Variants in BANK1 observed in about 807,000 individuals in gnomAD.
The protein encoded by BANK1 is B-cell scaffold protein with ankyrin repeats.
A neutral mutation model predicts 94.5 loss-of-function variants in BANK1; 95 were observed. That is an observed-to-expected ratio of 1.00 (90% CI 0.85 to 1.19). The LOEUF (loss-of-function observed/expected upper bound fraction) is 1.19, where lower values mean the gene tolerates loss of function less well. Ranked by LOEUF, BANK1 falls within the 50% of genes most tolerant of loss-of-function variation. The pLI, the probability that BANK1 is intolerant of heterozygous loss-of-function variation, is 0.00. For synonymous variants in BANK1, 334 were observed against 308.4 expected (o/e 1.08, Z -0.87); for missense variants, 987 against 932.2 (o/e 1.06, Z -0.77).
At chr4:102,026,957 C>G (rs184467543) in intron 9 of BANK1, among the ~76,000 whole-genome samples, 15 of 152,162 alleles carry the variant, frequency 9.9e-5, no homozygotes, top group Admixed American at 9.8e-4. Flanking sequence ...TAATTGAAAG[C>G]TCTGAAGCCT....
At chr4:102,021,689 A>C (rs1320591080) in intron 8 of BANK1, 97 bp downstream of exon 8, 1 of 459,780 alleles carries the variant, frequency 2.2e-6, no homozygotes, top group Non-Finnish European at 3.6e-6. Context: ...AGCAAGACTG[A>C]AGAGAATGTG....
intron 7 of BANK1, among the ~76,000 whole-genome samples, chr4:101,984,728 C>T (rs971496639): frequency 1.3e-5 from 2 of 152,048 alleles, no homozygotes; most frequent in African/African-American, 4.8e-5. Flanking sequence ...ATGCCATCTT[C>T]ATTCTCAGAG....
chr4:101,819,807 C>A (rs1483188942), intron 1 of BANK1, among the ~76,000 whole-genome samples: 1 of 151,858 alleles, frequency 6.6e-6, no homozygotes, highest in Non-Finnish European at 1.5e-5. Flanking sequence ...AACATCAGAA[C>A]ACTCTAGAGT....
intron 1 of BANK1, among the ~76,000 whole-genome samples, chr4:101,829,107 C>T (rs139771915): frequency 0.013 from 2,005 of 152,168 alleles, 20 homozygotes; most frequent in Non-Finnish European, 0.022. Flanking sequence ...CGTGATCAGC[C>T]CGCCTCAGCC....
chr4:101,811,596 A>C (rs1037039480), intron 1 of BANK1, among the ~76,000 whole-genome samples: 1 of 150,620 alleles, frequency 6.6e-6, no homozygotes, highest in Non-Finnish European at 1.5e-5. Context: ...TGGTTTTGTA[A>C]TTCTCAATAT....
intron 1 of BANK1, among the ~76,000 whole-genome samples, chr4:101,825,973 TG>T (rs1372964743): frequency 2.0e-5 from 3 of 152,066 alleles, no homozygotes; most frequent in Non-Finnish European, 4.4e-5. Context: ...CTGCCAATTG[TG>T]ATACCAAGCC....
intron 4 of BANK1, among the ~76,000 whole-genome samples, chr4:101,865,116 T>G (rs1728020075): frequency 6.6e-6 from 1 of 152,096 alleles, no homozygotes; most frequent in South Asian, 2.1e-4. Context: ...TTAGTCTTCA[T>G]TAGTTCAAAG....
At chr4:102,022,112 G>GTA (rs574508690) in intron 8 of BANK1, among the ~76,000 whole-genome samples, 89 of 151,930 alleles carry the variant, frequency 5.9e-4, no homozygotes, top group Middle Eastern at 3.4e-3. Context: ...ATATAAACGT[G>GTA]TATATATACG....
chr4:101,819,339 A>G (rs949988105), intron 1 of BANK1, among the ~76,000 whole-genome samples: 1 of 152,092 alleles, frequency 6.6e-6, no homozygotes, highest in African/African-American at 2.4e-5. Flanking sequence ...CCCCTTTTTC[A>G]AAGGGACCTG....
intron 7 of BANK1, among the ~76,000 whole-genome samples, chr4:101,956,907 A>G (rs1009428882): frequency 1.3e-5 from 2 of 152,222 alleles, no homozygotes; most frequent in Non-Finnish European, 2.9e-5. Context: ...TCAACATCAG[A>G]TAATTTAAAA....
intron 7 of BANK1, among the ~76,000 whole-genome samples, chr4:102,012,939 C>A (rs764940454): frequency 5.9e-5 from 9 of 151,994 alleles, no homozygotes; most frequent in Non-Finnish European, 1.3e-4. Context: ...TATTTAGTTT[C>A]TATGTAGTTT....
chr4:101,975,543 T>G (rs1725094066), intron 7 of BANK1, among the ~76,000 whole-genome samples: 1 of 152,200 alleles, frequency 6.6e-6, no homozygotes, highest in Admixed American at 6.5e-5. Flanking sequence ...CAGAGACAGT[T>G]CTCTCTGTGT....
At chr4:102,046,716 G>A (rs1157243971) in intron 11 of BANK1, among the ~76,000 whole-genome samples, 6 of 152,144 alleles carry the variant, frequency 3.9e-5, no homozygotes, top group African/African-American at 1.4e-4. Context: ...GAAAACTGTA[G>A]CCACAGAAAC....
chr4:101,906,292 G>A (rs568204100), intron 6 of BANK1, among the ~76,000 whole-genome samples: 214 of 152,292 alleles, frequency 1.4e-3, no homozygotes, highest in Middle Eastern at 6.8e-3. Context: ...AATTATTTGA[G>A]TAATTTAAAA....
At chr4:101,801,504 A>G (rs1222442357) in intron 1 of BANK1, among the ~76,000 whole-genome samples, 2 of 152,242 alleles carry the variant, frequency 1.3e-5, no homozygotes, top group Non-Finnish European at 2.9e-5. Context: ...TTGAATATGT[A>G]TTATGAGATT....
chr4:101,813,985 C>A (rs1725809794), intron 1 of BANK1: 3 of 684,452 alleles, frequency 4.4e-6, no homozygotes, highest in South Asian at 1.3e-4. Flanking sequence ...GATATTTTAC[C>A]ATTGATACGT....
intron 4 of BANK1, among the ~76,000 whole-genome samples, chr4:101,863,079 G>A (rs910885028): frequency 2.0e-5 from 3 of 150,346 alleles, no homozygotes; most frequent in African/African-American, 7.3e-5. Context: ...GTATATTTTT[G>A]TTACTCTGAA....
At chr4:101,959,145 T>A (rs986166917) in intron 7 of BANK1, among the ~76,000 whole-genome samples, 2 of 42,038 alleles carry the variant, frequency 4.8e-5, no homozygotes, top group Non-Finnish European at 1.0e-4. Flanking sequence ...TTTGTTTTTG[T>A]TTTTTTTTTG....
chr4:101,972,907 G>A (rs1019567057), intron 7 of BANK1: 3 of 152,086 alleles, frequency 2.0e-5, no homozygotes, highest in African/African-American at 7.2e-5. Context: ...ACAGAAATAA[G>A]CCAAGCACCA....
Sources: gnomAD v4.1 joint callset for allele counts (sites outside exome capture counted in the v4.1 genomes callset) on GRCh38, gnomAD v4.1.1 for gene constraint, MANE v1.5 for transcripts, NCBI Gene and HGNC (gene_info 2026-07-23, HGNC 2026-07-21) for gene names.